The following SYT16 variants were observed in gnomAD, a reference collection of about 807,000 sequenced individuals.
The protein encoded by SYT16 is synaptotagmin 16, also known as synaptotagmin-16.
SYT16 carries 42 observed loss-of-function variants against 61.4 expected under a neutral mutation model. The observed-to-expected ratio is 0.68, with a 90% CI of 0.53 to 0.89. The LOEUF is 0.89. SYT16 is among the 40% of genes least tolerant of loss of function. The pLI is 0.00. For synonymous variants in SYT16, 314 were observed against 302.3 expected (o/e 1.04, Z -0.40); for missense variants, 804 against 807.3 (o/e 1.00, Z 0.05).
At chr14:62,064,657 T>C (rs531143730) in intron 3 of SYT16, among the ~76,000 whole-genome samples, 12 of 152,304 alleles carry the variant, frequency 7.9e-5, no homozygotes, top group East Asian at 1.9e-4. Context: ...ATTAATAACA[T>C]GGACTTCGGA....
chr14:61,898,082 C>T (rs754344187), intron 1 of SYT16, among the ~76,000 whole-genome samples: 85 of 152,188 alleles, frequency 5.6e-4, no homozygotes, highest in Admixed American at 4.9e-3. Flanking sequence ...CCATCCCTAG[C>T]GCCCGTTACC....
At chr14:61,964,027 A>G (rs567669751) in intron 1 of SYT16, among the ~76,000 whole-genome samples, 2 of 152,262 alleles carry the variant, frequency 1.3e-5, no homozygotes, top group Middle Eastern at 3.4e-3. Context: ...TCCTTTCAAA[A>G]TATTACTGCT....
In SYT16 at chr14:61,842,669, G is replaced by A. The variant is rs564521356; in HGVS notation, c.-325+29859G>A. ...AAACCATCATTCTCAGCAAACTATC[G>A]CAAGGACAAAAAACCAAACACCGCC... On this transcript the variant is annotated intron_variant, in intron 1 of 7. Transcript: ENST00000683842. Among the ~76,000 whole-genome samples, 3 of 151,578 alleles carry A rather than the reference G, an allele frequency of 2.0e-5. No individual in the cohort carries two copies. The East Asian group carries it at 5.8e-4, about 29-fold the overall frequency.
intron 3 of SYT16, among the ~76,000 whole-genome samples, chr14:62,048,983 C>A (rs577605072): frequency 6.6e-6 from 1 of 152,254 alleles, no homozygotes; most frequent in Non-Finnish European, 1.5e-5. Context: ...CTGTAGATGT[C>A]TGTTAGGTCT....
chr14:61,966,497 T>A (rs1204564262), intron 1 of SYT16, among the ~76,000 whole-genome samples: 3 of 152,088 alleles, frequency 2.0e-5, no homozygotes, highest in African/African-American at 7.2e-5. Flanking sequence ...TAAAACTTTT[T>A]AATAAATACA....
rs2057461042 is a variant in SYT16 at position 62,103,616 on chromosome 14, A to G, written c.*2909A>G. ...TTTTTAAATGGACCATTCACCAGGCAGCCGAACACCTGCTCTCCGTTCCCT... is the reference window on the plus strand; with the variant it reads ...TTTTTAAATGGACCATTCACCAGGCGGCCGAACACCTGCTCTCCGTTCCCT... On this transcript the variant is annotated 3_prime_UTR_variant, in exon 8 of 8. Transcript: ENST00000683842. The G allele has an allele frequency of 6.6e-6, 1 of 152,262 alleles. No individual in the cohort carries two copies. The highest frequency in any genetic ancestry group is 2.4e-5 in the African/African-American group (1 of 41,456). 9.4% of individuals were successfully genotyped at this position (152,262 alleles called of 1,614,324 possible). A position where few individuals can be genotyped will look rare whatever the true frequency, so the allele number is the denominator to read the frequency against.
chr14:62,085,757 T>G (rs1028451323), intron 7 of SYT16, among the ~76,000 whole-genome samples: 6 of 152,244 alleles, frequency 3.9e-5, no homozygotes, highest in Non-Finnish European at 7.3e-5. Flanking sequence ...ATCAGCCATA[T>G]TCTATGTCGA....
At chr14:62,014,600 A>G (rs2053591149) in intron 3 of SYT16, among the ~76,000 whole-genome samples, 2 of 151,792 alleles carry the variant, frequency 1.3e-5, no homozygotes, top group South Asian at 4.2e-4. Context: ...TGCCCAACTA[A>G]TTTTTGTATT....
chr14:62,043,924 C>T lies in SYT16; in HGVS notation c.524-25679C>T, dbSNP rs774519338. On this transcript the variant is annotated intron_variant, in intron 3 of 7. Transcript: ENST00000683842. Reference sequence around the variant, plus strand: ...CTGGCCTCAAGCAATCCTCCTACCTCGGCCTCTCAAAGTGCTGGGATTACA... The same window carrying T: ...CTGGCCTCAAGCAATCCTCCTACCTTGGCCTCTCAAAGTGCTGGGATTACA... Among the ~76,000 whole-genome samples, 19 of 149,642 alleles carry T rather than the reference C, an allele frequency of 1.3e-4. No individual in the cohort carries two copies. The East Asian group carries it at 1.6e-3, about 13-fold the overall frequency.
At chr14:62,036,916 T>C (rs1407557893) in intron 3 of SYT16, among the ~76,000 whole-genome samples, 1 of 151,900 alleles carries the variant, frequency 6.6e-6, no homozygotes, top group Non-Finnish European at 1.5e-5. Flanking sequence ...TGCCAAGAGA[T>C]GGTAGAAGAA....
chr14:62,111,414 A>G lies in SYT16; in HGVS notation c.*10707A>G, dbSNP rs964830824. 2.0e-5 allele frequency: 3 copies of G among 152,132 alleles called. No homozygotes were observed. Among genetic ancestry groups the G allele is most frequent in the Admixed American group, 2.0e-4 (3 of 15,272 alleles). 9.4% of individuals were successfully genotyped at this position (152,132 alleles called of 1,614,324 possible). On this transcript the variant is annotated 3_prime_UTR_variant, in exon 8 of 8. Coordinates refer to ENST00000683842, the MANE Select transcript of SYT16 (RefSeq NM_001367656.1). The stretch of plus-strand genomic sequence containing the variant: ...AGCTGGATGCTGCAGATGTATTAAC[A>G]TTGTAAACATGTACTTTTTCTATTC...
chr14:62,035,639 A>G (rs1230582018), intron 3 of SYT16, among the ~76,000 whole-genome samples: 2 of 152,202 alleles, frequency 1.3e-5, no homozygotes, highest in Non-Finnish European at 1.5e-5. Context: ...TGTTCCACGC[A>G]TTGCTTTGTA....
chr14:61,865,031 T>A, intron 1 of SYT16: 1 of 1,413,362 alleles, frequency 7.1e-7, no homozygotes, highest in Non-Finnish European at 1.0e-6. Flanking sequence ...AGGGCATTTC[T>A]GCTGTATTCG....
intron 1 of SYT16, among the ~76,000 whole-genome samples, chr14:61,881,947 C>G (rs217642): frequency 0.32 from 48,863 of 152,044 alleles, 8,149 homozygotes; most frequent in African/African-American, 0.37. Context: ...TCTGACCATG[C>G]TACTGCCTGC....
chr14:61,838,135 T>G (rs1460429936), intron 1 of SYT16, among the ~76,000 whole-genome samples: 1 of 152,248 alleles, frequency 6.6e-6, no homozygotes, highest in Non-Finnish European at 1.5e-5. Flanking sequence ...GTGAGCATTA[T>G]GTAGTAGACA....
chr14:62,047,355 C>T (rs1204011288), intron 3 of SYT16, among the ~76,000 whole-genome samples: 1 of 152,158 alleles, frequency 6.6e-6, no homozygotes, highest in African/African-American at 2.4e-5. Context: ...AGTTGCTTAT[C>T]AGCTTAAGGA....
At chr14:62,078,543 C>T (rs558187745) in intron 5 of SYT16, among the ~76,000 whole-genome samples, 28 of 152,298 alleles carry the variant, frequency 1.8e-4, no homozygotes, top group Admixed American at 7.8e-4. Flanking sequence ...AGGCTTTGTT[C>T]CCTGCTTTGG....
At chr14:62,061,496 A>G (rs1313089908) in intron 3 of SYT16, among the ~76,000 whole-genome samples, 1 of 152,176 alleles carries the variant, frequency 6.6e-6, no homozygotes, top group Non-Finnish European at 1.5e-5. Flanking sequence ...TATTATAGCT[A>G]TAAGAAGCAT....
chr14:62,077,906 A>G (rs539475850), intron 5 of SYT16, among the ~76,000 whole-genome samples: 1 of 152,236 alleles, frequency 6.6e-6, no homozygotes, highest in East Asian at 1.9e-4. Context: ...TGGAGTGAGC[A>G]TTTATCCGAA....
Sources: gnomAD v4.1 joint callset for allele counts (sites outside exome capture counted in the v4.1 genomes callset) on GRCh38, gnomAD v4.1.1 for gene constraint, MANE v1.5 for transcripts, NCBI Gene and HGNC (gene_info 2026-07-23, HGNC 2026-07-21) for gene names.